WDR4: variants seen among roughly 807,000 people sequenced by gnomAD.
The protein encoded by WDR4 is WDR4 tRNA N7-guanosine methyltransferase non-catalytic subunit, also known as tRNA (guanine-N(7)-)-methyltransferase non-catalytic subunit WDR4.
WDR4 carries 47 observed loss-of-function variants against 48.6 expected under a neutral mutation model. The observed-to-expected ratio is 0.97, with a 90% CI of 0.77 to 1.23. WDR4 has a LOEUF of 1.23. Among genes scored for constraint, WDR4 ranks in the 50% most tolerant of loss-of-function variants. The pLI, the probability that WDR4 is intolerant of heterozygous loss-of-function variation, is 0.00. For missense variants in WDR4, 606 were observed against 551.6 expected (o/e 1.10, Z -0.99); for synonymous variants, 268 against 230.0 (o/e 1.17, Z -1.49).
intron 6 of WDR4, 104 bp downstream of exon 6, chr21:42,859,558 C>CCAGGGGCAGCGATCCA: frequency 1.2e-6 from 1 of 820,430 alleles, no homozygotes; most frequent in South Asian, 1.5e-5. Flanking sequence ...CCACAGCCAG[C>CCAGGGGCAGCGATCCA]CAGGGGCCAG....
intron 6 of WDR4, among the ~76,000 whole-genome samples, chr21:42,857,242 C>T (rs565052785): frequency 2.9e-4 from 44 of 152,236 alleles, no homozygotes; most frequent in Middle Eastern, 3.4e-3. Flanking sequence ...AAGAGAGTCA[C>T]CTAGCCCCTT....
chr21:42,848,422 C>CA (rs2057731929), downstream of WDR4, among the ~76,000 whole-genome samples: 1 of 132,944 alleles, frequency 7.5e-6, no homozygotes, highest in Non-Finnish European at 1.6e-5. Context: ...ACCTCACTCA[C>CA]ACAGCGCACA....
chr21:42,877,751 T>C (rs2058529388), intron 1 of WDR4, among the ~76,000 whole-genome samples: 2 of 152,048 alleles, frequency 1.3e-5, no homozygotes, highest in Non-Finnish European at 2.9e-5. Context: ...GACATGGTTA[T>C]AAGAAATTAC....
chr21:42,870,854 C>A (rs12626794), intron 3 of WDR4, among the ~76,000 whole-genome samples: 91,342 of 151,932 alleles, frequency 0.6, 28,218 homozygotes, highest in African/African-American at 0.72. Context: ...TTTGGGAGTC[C>A]AAGCCCCCTT....
the WDR4 span, among the ~76,000 whole-genome samples, chr21:42,889,726 G>C: frequency 1.3e-5 from 2 of 152,132 alleles, no homozygotes; most frequent in African/African-American, 4.8e-5. Flanking sequence ...ACATGATTTG[G>C]AGCCCAAGGG....
intron 3 of WDR4, among the ~76,000 whole-genome samples, chr21:42,871,963 T>C (rs769235852): frequency 1.5e-4 from 22 of 150,970 alleles, no homozygotes; most frequent in Non-Finnish European, 1.9e-4. Flanking sequence ...CAGGCATTCA[T>C]TGCTTTTGAT....
chr21:42,864,255 C>T, intron 3 of WDR4, among the ~76,000 whole-genome samples: 1 of 151,668 alleles, frequency 6.6e-6, no homozygotes, highest in Non-Finnish European at 1.5e-5. Flanking sequence ...TTCCTTAACC[C>T]CAGAGTCTTC....
At chr21:42,873,433 C>A in intron 3 of WDR4, 118 bp downstream of exon 3, 1 of 1,415,420 alleles carries the variant, frequency 7.1e-7, no homozygotes, top group South Asian at 1.3e-5. Flanking sequence ...CACTGAACTG[C>A]GGCTCCGTGT....
chr21:42,861,559 C>T (rs1182713166), intron 5 of WDR4, among the ~76,000 whole-genome samples: 3 of 152,012 alleles, frequency 2.0e-5, no homozygotes, highest in African/African-American at 7.3e-5. Context: ...GGCTGCAGGC[C>T]AGAGAACTCC....
chr21:42,887,811 G>A, the WDR4 span, among the ~76,000 whole-genome samples: 33 of 141,882 alleles, frequency 2.3e-4, no homozygotes, highest in African/African-American at 9.3e-4. Context: ...CGAGTTACTC[G>A]GGAGGCTGAG....
At chr21:42,892,113 G>A in the WDR4 span, among the ~76,000 whole-genome samples, 1 of 151,938 alleles carries the variant, frequency 6.6e-6, no homozygotes, top group African/African-American at 2.4e-5. Flanking sequence ...ATTTAGCCGG[G>A]CGTGGTGGCG....
intron 2 of WDR4, among the ~76,000 whole-genome samples, chr21:42,875,053 A>G (rs1261882214): frequency 6.6e-6 from 1 of 151,870 alleles, no homozygotes; most frequent in African/African-American, 2.4e-5. Flanking sequence ...TCTCTTTTGT[A>G]CTCTGTCCCT....
intron 8 of WDR4, among the ~76,000 whole-genome samples, chr21:42,854,288 GAA>G (rs35666894): frequency 6.6e-6 from 1 of 152,230 alleles, no homozygotes; most frequent in African/African-American, 2.4e-5. Context: ...TGGCCCAGGG[GAA>G]AGTCTGTCAT....
chr21:42,888,727 G>A, the WDR4 span, among the ~76,000 whole-genome samples: 1 of 144,438 alleles, frequency 6.9e-6, no homozygotes, highest in Non-Finnish European at 1.5e-5. Flanking sequence ...TAGAGACAGA[G>A]TCTTGCTCTG....
intron 3 of WDR4, among the ~76,000 whole-genome samples, chr21:42,865,591 G>A (rs921861061): frequency 2.6e-5 from 4 of 152,170 alleles, no homozygotes; most frequent in African/African-American, 4.8e-5. Context: ...TCCTGGCACC[G>A]ATTCTAGGAC....
intron 5 of WDR4, among the ~76,000 whole-genome samples, chr21:42,861,186 G>A (rs901368551): frequency 1.3e-5 from 2 of 150,742 alleles, no homozygotes; most frequent in African/African-American, 4.9e-5. Flanking sequence ...TGGTGGCAGG[G>A]GCCTGTAGTC....
chr21:42,862,340 G>C lies in WDR4; in HGVS notation c.508C>G (p.Arg170Gly). The C allele has an allele frequency of 6.2e-7, 1 of 1,611,958 alleles. No individual in the cohort carries two copies. Among genetic ancestry groups the C allele is most frequent in the Middle Eastern group, 1.7e-4 (1 of 6,052 alleles). ...ILTADRDEKI[R>G]VSWAAAPHSI... ...TGGGGCGCCGCGGCCCAGCTGACTCGGATCTTCTCGTCCCGGTCGGCAGTG... is the reference window on the plus strand; with the variant it reads ...TGGGGCGCCGCGGCCCAGCTGACTCCGATCTTCTCGTCCCGGTCGGCAGTG... The change falls in exon 5 of 11, where the codon CGA becomes GGA. Residue 170 changes from arginine (R) to glycine (G), a missense_variant. Arg to Gly is a moderately radical substitution (Grantham distance 125). Coordinates refer to ENST00000398208, the MANE Select transcript of WDR4 (RefSeq NM_018669.6). This position sits in a 1 kb window ranked among gnomAD's most constrained non-coding sequence, Gnocchi z 4.3.
chr21:42,845,052 A>T (rs373448682), downstream of WDR4, among the ~76,000 whole-genome samples: 22 of 152,352 alleles, frequency 1.4e-4, 1 homozygote, highest in South Asian at 2.1e-3. Flanking sequence ...AGAAGGGTGC[A>T]CTGGGCACGG....
chr21:42,854,472 A>G, intron 8 of WDR4, 90 bp downstream of exon 8: 5 of 1,347,006 alleles, frequency 3.7e-6, no homozygotes, highest in Non-Finnish European at 5.1e-6. Context: ...GGACCTCTTC[A>G]TTGAGGACGT....
Sources: gnomAD v4.1 joint callset for allele counts (sites outside exome capture counted in the v4.1 genomes callset) on GRCh38, gnomAD v4.1.1 for gene constraint, Gnocchi (gnomAD v3.1) non-coding constraint, MANE v1.5 for transcripts, NCBI Gene and HGNC (gene_info 2026-07-23, HGNC 2026-07-21) for gene names.